Variants in ST13 observed in about 807,000 individuals in gnomAD.
The protein encoded by ST13 is hsc70-interacting protein.
ST13 carries 23 observed loss-of-function variants against 56.7 expected under a neutral mutation model. The ratio of observed to expected loss-of-function variants is 0.41; its 90% CI spans 0.29 to 0.57. The LOEUF (loss-of-function observed/expected upper bound fraction) is 0.57. ST13 is among the 20% of genes least tolerant of loss of function. The probability of loss-of-function intolerance (pLI) is 0.36; values close to 1 mark genes in which losing one functional copy is unlikely to be tolerated. For missense variants in ST13, 369 were observed against 459.9 expected (o/e 0.80, Z 1.81); for synonymous variants, 132 against 142.4 (o/e 0.93, Z 0.52).
In ST13 at chr22:40,850,101, T is replaced by C. The variant is rs560660157; in HGVS notation, c.168+722A>G. On this transcript the variant is annotated intron_variant, in intron 2 of 11. Transcript: ENST00000216218. ...GGCGAAACCCCATTTCTACTAAAAA[T>C]AGAAAAATTAGCCAGGCATGGTGGG... Among the ~76,000 whole-genome samples, 3 of 151,550 alleles carry C rather than the reference T, an allele frequency of 2.0e-5. No homozygotes were observed. The East Asian group carries it at 5.8e-4, about 30-fold the overall frequency.
rs532388584 is a variant in ST13 at position 40,836,370 on chromosome 22, G to A, written c.383-483C>T. ...GGAGGCTGAGGAGTGGCGCGAACCCGGGAGGCGGAGCTTCCAGTGAGGCGA... is the reference window on the plus strand; with the variant it reads ...GGAGGCTGAGGAGTGGCGCGAACCCAGGAGGCGGAGCTTCCAGTGAGGCGA... On this transcript the variant is annotated intron_variant, in intron 5 of 11. Coordinates refer to ENST00000216218, the MANE Select transcript of ST13 (RefSeq NM_003932.5). Among the ~76,000 whole-genome samples the A allele has an allele frequency of 7.9e-5, 12 of 152,134 alleles. No individual in the cohort carries two copies. The South Asian group carries it at 1.9e-3, about 24-fold the overall frequency.
chr22:40,839,184 G>C (rs1341554861), intron 5 of ST13, among the ~76,000 whole-genome samples: 1 of 152,182 alleles, frequency 6.6e-6, no homozygotes, highest in Admixed American at 6.5e-5. Context: ...GTATAAACAT[G>C]TTTTAAGGAG....
rs1476436846 is a variant in ST13 at position 40,836,862 on chromosome 22, TCTAA to T, written c.383-979_383-976del. The stretch of plus-strand genomic sequence containing the variant: ...ACAGAATTTTTTTTAAGAGACAGGG[TCTAA>T]CTCTCACATAGGCTAGAGTACAGTG... On this transcript the variant is annotated intron_variant, in intron 5 of 11. Coordinates refer to ENST00000216218, the MANE Select transcript of ST13 (RefSeq NM_003932.5). 2.0e-5 allele frequency among the ~76,000 whole-genome samples: 3 copies of T among 152,114 alleles called. No homozygotes were observed. The East Asian group carries it at 5.8e-4, about 29-fold the overall frequency.
At chr22:40,842,527 G>C (rs184812309) in intron 4 of ST13, among the ~76,000 whole-genome samples, 29 of 152,222 alleles carry the variant, frequency 1.9e-4, no homozygotes, top group South Asian at 1.0e-3. Context: ...AACATCAATG[G>C]AACAGACAAA....
chr22:40,855,397 C>T (rs1471301397), intron 1 of ST13, among the ~76,000 whole-genome samples: 1 of 152,194 alleles, frequency 6.6e-6, no homozygotes, highest in Non-Finnish European at 1.5e-5. Flanking sequence ...TGCAGTGATC[C>T]CGCCACTGTA....
At position 40,826,376 on chromosome 22, in the gene ST13, T is replaced by C. The variant is rs532460208; in HGVS notation, c.*162A>G. On this transcript the variant is annotated 3_prime_UTR_variant, in exon 12 of 12. Transcript: ENST00000216218. ...ACCCTAATGGCAAACCACTGTAAAA[T>C]GCTTCAGCTGCATTTGGGGGAGAGG... 1.6e-4 allele frequency: 85 copies of C among 541,294 alleles called. No individual in the cohort carries two copies. The highest frequency in any genetic ancestry group is 1.4e-3 in the African/African-American group (77 of 53,482). 33.5% of individuals were successfully genotyped at this position (541,294 alleles called of 1,614,324 possible). A position where few individuals can be genotyped will look rare whatever the true frequency, so the allele number is the denominator to read the frequency against.
chr22:40,843,690 G>A (rs1199820210), intron 4 of ST13, among the ~76,000 whole-genome samples: 1 of 151,934 alleles, frequency 6.6e-6, no homozygotes. Context: ...GTGAAGATGA[G>A]TCACAAACTA....
intron 10 of ST13, among the ~76,000 whole-genome samples, chr22:40,829,301 G>A (rs915424296): frequency 6.6e-5 from 10 of 152,056 alleles, no homozygotes; most frequent in Admixed American, 1.3e-4. Context: ...CCACACTGTC[G>A]TAATCAGGAA....
rs1005743032 is a variant in ST13 at position 40,827,111 on chromosome 22, A to G, written c.966T>C (p.Val322=). 12 of 1,612,020 alleles carry G rather than the reference A, an allele frequency of 7.4e-6. No individual in the cohort carries two copies. The highest frequency in any genetic ancestry group is 2.2e-4 in the Middle Eastern group (1 of 4,506). ...GLNEILSDPE[V]LAAMQDPEVM... ...CAAGTCTTACCTGCATGGCTGCAAG[A>G]ACCTCTGGATCACTAAGAATTTCAT... Residue 322 remains valine (V), a synonymous_variant, in exon 11 of 12, where the codon GTT becomes GTC. Coordinates refer to ENST00000216218, the MANE Select transcript of ST13 (RefSeq NM_003932.5).
rs377677975 is a variant in ST13, at chr22:40,854,206, A to G, written c.110+2225T>C. Among the ~76,000 whole-genome samples, 76 of 152,330 alleles carry G rather than the reference A, an allele frequency of 5.0e-4. No individual in the cohort carries two copies. In the South Asian group the frequency reaches 0.015, roughly 30 times the overall value. On this transcript the variant is annotated intron_variant, in intron 1 of 11. Coordinates refer to ENST00000216218, the MANE Select transcript of ST13 (RefSeq NM_003932.5). ...TCTGGACCTAGAAGTCTCCACATTC[A>G]GCCCCATCTGCCACAATCTCGAACT...
At chr22:40,828,599 C>A (rs2057739840) in intron 10 of ST13, among the ~76,000 whole-genome samples, 1 of 151,284 alleles carries the variant, frequency 6.6e-6, no homozygotes, top group East Asian at 1.9e-4. Flanking sequence ...GGCGACAGAG[C>A]GAGGCTCTGT....
chr22:40,847,524 G>C (rs922462072), intron 3 of ST13, among the ~76,000 whole-genome samples: 2 of 150,572 alleles, frequency 1.3e-5, no homozygotes, highest in South Asian at 4.2e-4. Context: ...ACTCCAGCCT[G>C]GGCGACACAG....
chr22:40,849,462 AGAGT>A (rs1489017856), intron 2 of ST13, among the ~76,000 whole-genome samples: 1 of 146,668 alleles, frequency 6.8e-6, no homozygotes, highest in African/African-American at 2.6e-5. Flanking sequence ...CCTGGGCAAC[AGAGT>A]GAGACTCTGT....
chr22:40,842,077 A>G (rs1189286114), intron 4 of ST13, among the ~76,000 whole-genome samples: 1 of 152,210 alleles, frequency 6.6e-6, no homozygotes, highest in Non-Finnish European at 1.5e-5. Context: ...AGATTAAAAG[A>G]ACTTCCCCTG....
chr22:40,828,596 G>C (rs1057471372), intron 10 of ST13, among the ~76,000 whole-genome samples: 2 of 151,788 alleles, frequency 1.3e-5, no homozygotes, highest in African/African-American at 2.4e-5. Flanking sequence ...CTGGGCGACA[G>C]AGCGAGGCTC....
intron 4 of ST13, 53 bp downstream of exon 4, chr22:40,844,786 C>T: frequency 7.1e-7 from 1 of 1,415,402 alleles, no homozygotes; most frequent in Non-Finnish European, 9.9e-7. Context: ...ATTGCAACAG[C>T]AGGACCTTTC....
intron 3 of ST13, among the ~76,000 whole-genome samples, chr22:40,847,577 A>C (rs1045890867): frequency 6.6e-6 from 1 of 151,852 alleles, no homozygotes; most frequent in African/African-American, 2.4e-5. Context: ...AAAAAAAGAA[A>C]ACTTTTTAAG....
At chr22:40,856,386 G>A in intron 1 of ST13, 45 bp downstream of exon 1, 1 of 1,540,386 alleles carries the variant, frequency 6.5e-7, no homozygotes, top group Non-Finnish European at 9.0e-7. Context: ...CCCCCCTGGG[G>A]CCGTGCTTCC....
intron 1 of ST13, among the ~76,000 whole-genome samples, chr22:40,852,070 T>A (rs1468217864): frequency 6.6e-6 from 1 of 152,224 alleles, no homozygotes; most frequent in Non-Finnish European, 1.5e-5. Flanking sequence ...AGTTGTCATA[T>A]CCACACTTAC....
Sources: allele counts gnomAD v4.1 joint callset (sites outside exome capture counted in the v4.1 genomes callset), GRCh38; gene constraint gnomAD v4.1.1; transcripts MANE v1.5; gene names NCBI Gene and HGNC (gene_info 2026-07-23, HGNC 2026-07-21).